Variants in UBE2H observed in about 807,000 individuals in gnomAD.
UBE2H encodes the protein ubiquitin-conjugating enzyme E2 H.
A neutral mutation model predicts 29.0 loss-of-function variants in UBE2H; 3 were observed. The observed-to-expected ratio is 0.10, with a 90% confidence interval of 0.05 to 0.27. The LOEUF is 0.27. UBE2H is among the 10% of genes least tolerant of loss of function. The pLI, the probability that UBE2H is intolerant of heterozygous loss-of-function variation, is 1.00. For missense variants in UBE2H, 68 were observed against 228.2 expected (o/e 0.30, Z 4.52); for synonymous variants, 69 against 82.9 (o/e 0.83, Z 0.91).
At chr7:129,857,733 G>A (rs977094716) in intron 4 of UBE2H, among the ~76,000 whole-genome samples, 170 bp from the exon 5 acceptor site, 5 of 152,206 alleles carry the variant, frequency 3.3e-5, no homozygotes, top group Admixed American at 2.0e-4. Context: ...AGGTCTTGAA[G>A]TGTCACCTTA....
At chr7:129,906,243 T>C (rs1179380420) in intron 1 of UBE2H, among the ~76,000 whole-genome samples, 1 of 151,620 alleles carries the variant, frequency 6.6e-6, no homozygotes, top group African/African-American at 2.4e-5. Flanking sequence ...TCTTGCTCTG[T>C]TGCCCAGGCT....
At chr7:129,846,870 A>G (rs1205414550) in intron 5 of UBE2H, among the ~76,000 whole-genome samples, 1 of 152,122 alleles carries the variant, frequency 6.6e-6, no homozygotes, top group African/African-American at 2.4e-5. Flanking sequence ...CAGAAGCCCA[A>G]CATCCTGTTA....
intron 1 of UBE2H, among the ~76,000 whole-genome samples, 163 bp downstream of exon 1, chr7:129,952,340 C>T (rs1807894822): frequency 6.6e-6 from 1 of 152,054 alleles, no homozygotes; most frequent in Non-Finnish European, 1.5e-5. Context: ...AGGCTCTCGG[C>T]CCCTGGGAGG....
chr7:129,870,135 A>C (rs1176681972), intron 3 of UBE2H, among the ~76,000 whole-genome samples: 2 of 151,978 alleles, frequency 1.3e-5, no homozygotes, highest in African/African-American at 4.8e-5. Context: ...CCCTGCCTCA[A>C]CAGCTTGCAC....
At chr7:129,862,224 C>A (rs1805816954) in intron 3 of UBE2H, among the ~76,000 whole-genome samples, 1 of 152,058 alleles carries the variant, frequency 6.6e-6, no homozygotes, top group African/African-American at 2.4e-5. Flanking sequence ...AAAAATATTG[C>A]CTGAAGCTAC....
chr7:129,836,750 C>G (rs1386217340), intron 6 of UBE2H, among the ~76,000 whole-genome samples: 1 of 151,838 alleles, frequency 6.6e-6, no homozygotes, highest in African/African-American at 2.4e-5. Flanking sequence ...TGTGGTGGCA[C>G]ATGCCTGTAA....
intron 1 of UBE2H, among the ~76,000 whole-genome samples, chr7:129,932,773 C>CAAA (rs1208871059): frequency 7.5e-4 from 25 of 33,116 alleles, no homozygotes; most frequent in Non-Finnish European, 1.0e-3. Context: ...GACTCCGTCT[C>CAAA]AAAAAAAAAA....
chr7:129,842,628 C>T (rs1311995502), intron 5 of UBE2H, among the ~76,000 whole-genome samples: 1 of 152,052 alleles, frequency 6.6e-6, no homozygotes, highest in Non-Finnish European at 1.5e-5. Flanking sequence ...ACAGGCCAGA[C>T]GCAGTGGCTT....
chr7:129,923,275 A>C (rs1807202290), intron 1 of UBE2H, among the ~76,000 whole-genome samples: 2 of 152,208 alleles, frequency 1.3e-5, no homozygotes, highest in South Asian at 4.1e-4. Context: ...AATAAAATAA[A>C]GTTTTACCTG....
chr7:129,910,244 G>A (rs1031923476), intron 1 of UBE2H, among the ~76,000 whole-genome samples: 10 of 151,318 alleles, frequency 6.6e-5, no homozygotes, highest in Non-Finnish European at 2.9e-5. Context: ...CAGGAGAGTC[G>A]CTTGAACCCT....
At chr7:129,913,561 G>T (rs1476120540) in intron 1 of UBE2H, among the ~76,000 whole-genome samples, 1 of 151,970 alleles carries the variant, frequency 6.6e-6, no homozygotes, top group African/African-American at 2.4e-5. Context: ...AGCATCTAAG[G>T]CCTGTATGTT....
chr7:129,848,137 T>G lies in UBE2H; in HGVS notation c.299-8802A>C, dbSNP rs549662038. Reference sequence around the variant, plus strand: ...ATCAAAATTCTGCAACCTGGAGAACTGCTTGAACTCGGGAGGTGGAGGCTG... The same window carrying G: ...ATCAAAATTCTGCAACCTGGAGAACGGCTTGAACTCGGGAGGTGGAGGCTG... On this transcript the variant is annotated intron_variant, in intron 5 of 6. Coordinates refer to ENST00000355621, the MANE Select transcript of UBE2H (RefSeq NM_003344.4). 2.3e-4 allele frequency among the ~76,000 whole-genome samples: 35 copies of G among 152,240 alleles called. No individual in the cohort carries two copies. In the South Asian group the frequency reaches 6.6e-3, roughly 29 times the overall value.
intron 1 of UBE2H, among the ~76,000 whole-genome samples, chr7:129,927,397 G>A (rs1034785639): frequency 3.9e-5 from 6 of 152,078 alleles, no homozygotes; most frequent in African/African-American, 9.7e-5. Flanking sequence ...AAAATTAGCC[G>A]GGCGTGGTGG....
At chr7:129,843,412 A>T (rs1805461255) in intron 5 of UBE2H, among the ~76,000 whole-genome samples, 1 of 152,180 alleles carries the variant, frequency 6.6e-6, no homozygotes, top group Admixed American at 6.5e-5. Flanking sequence ...ACAGTCAATG[A>T]GGTAGGCACC....
chr7:129,840,604 C>A (rs1314256894), intron 5 of UBE2H, among the ~76,000 whole-genome samples: 1 of 150,632 alleles, frequency 6.6e-6, no homozygotes, highest in Non-Finnish European at 1.5e-5. Flanking sequence ...ACAACCCACA[C>A]ACCCCATAGC....
rs944086096 is a variant in UBE2H, at chr7:129,870,168, A to G, written c.205+9400T>C. 2.0e-5 allele frequency among the ~76,000 whole-genome samples: 3 copies of G among 151,666 alleles called. No homozygotes were observed. In the South Asian group the frequency reaches 6.3e-4, roughly 32 times the overall value. On this transcript the variant is annotated intron_variant, in intron 3 of 6. Transcript: ENST00000355621. The stretch of plus-strand genomic sequence containing the variant: ...CACACATGTTCCCCTCTTCTCAAAC[A>G]CCAGGCCTCTGGGTTCTGATCCTGC...
intron 1 of UBE2H, among the ~76,000 whole-genome samples, chr7:129,917,595 T>C (rs1015175140): frequency 2.0e-5 from 3 of 152,196 alleles, no homozygotes; most frequent in African/African-American, 7.2e-5. Flanking sequence ...CTAGTTCTTT[T>C]CATCTCAAGC....
intron 1 of UBE2H, among the ~76,000 whole-genome samples, chr7:129,921,463 C>T (rs1480471888): frequency 2.6e-5 from 4 of 151,828 alleles, no homozygotes; most frequent in Non-Finnish European, 4.4e-5. Flanking sequence ...TTTGGGAGGC[C>T]GAGGCGGGCG....
At chr7:129,841,351 A>G (rs150231390) in intron 5 of UBE2H, among the ~76,000 whole-genome samples, 2 of 152,350 alleles carry the variant, frequency 1.3e-5, no homozygotes, top group East Asian at 3.9e-4. Context: ...GGTGGCTCTT[A>G]TCACTGTAAG....
Sources: allele counts gnomAD v4.1 joint callset (sites outside exome capture counted in the v4.1 genomes callset), GRCh38; gene constraint gnomAD v4.1.1; transcripts MANE v1.5; gene names NCBI Gene and HGNC (gene_info 2026-07-23, HGNC 2026-07-21).